MYO5A: variants seen among roughly 807,000 people sequenced by gnomAD.
MYO5A encodes the protein myosin VA.
A neutral mutation model predicts 249.7 loss-of-function variants in MYO5A; 98 were observed. The ratio of observed to expected loss-of-function variants is 0.39; its 90% CI spans 0.33 to 0.46. MYO5A has a LOEUF of 0.46. MYO5A is among the 20% of genes least tolerant of loss of function. The probability of loss-of-function intolerance (pLI) is 0.98; values close to 1 mark genes in which losing one functional copy is unlikely to be tolerated. For synonymous variants in MYO5A, 778 were observed against 810.6 expected (o/e 0.96, Z 0.68); for missense variants, 1,696 against 2,308.8 (o/e 0.73, Z 5.44).
intron 4 of MYO5A, among the ~76,000 whole-genome samples, chr15:52,418,439 G>A (rs1008173247): frequency 3.9e-5 from 6 of 152,162 alleles, no homozygotes; most frequent in Admixed American, 2.6e-4. Context: ...AGACTAGAAA[G>A]GACACAATTA....
intron 5 of MYO5A, among the ~76,000 whole-genome samples, chr15:52,414,593 C>T (rs1411382728): frequency 6.6e-6 from 1 of 152,022 alleles, no homozygotes; most frequent in African/African-American, 2.4e-5. Context: ...ATGGTCCAGG[C>T]CCGGAAGAAA....
chr15:52,474,099 C>A (rs1228615939), intron 1 of MYO5A, among the ~76,000 whole-genome samples: 1 of 152,116 alleles, frequency 6.6e-6, no homozygotes, highest in Non-Finnish European at 1.5e-5. Context: ...TTGAAGAGGT[C>A]CTTCATGTCC....
Position 52,370,197 on chromosome 15 carries a change from G to A in MYO5A, c.3038C>T (p.Ala1013Val). The A allele has an allele frequency of 6.2e-7, 1 of 1,614,108 alleles. No individual in the cohort carries two copies. Among genetic ancestry groups the A allele is most frequent in the South Asian group, 1.1e-5 (1 of 91,086 alleles). ...RSEKKCIEEHADRYKQETEQL... is the reference protein window; with the variant it reads ...RSEKKCIEEHVDRYKQETEQL... ...CTCTGTTTCTTGTTTGTATCGATCT[G>A]CATGTTCCTCAATGCATTTTTTCTC... The change falls in exon 22 of 42, where the codon GCA (alanine) becomes GTA (valine). Residue 1013 changes from alanine to valine, a missense_variant. Ala to Val is a moderately conservative substitution (Grantham distance 64, BLOSUM62 0). Transcript: ENST00000399233.
chr15:52,326,965 G>C (rs755801812), intron 36 of MYO5A, among the ~76,000 whole-genome samples: 16 of 152,202 alleles, frequency 1.1e-4, no homozygotes, highest in Admixed American at 2.6e-4. Context: ...TGACTACTGA[G>C]TTGTGTAGGC....
At chr15:52,405,576 C>T (rs1390439734) in intron 8 of MYO5A, among the ~76,000 whole-genome samples, 183 bp from the exon 9 acceptor site, 1 of 152,212 alleles carries the variant, frequency 6.6e-6, no homozygotes, top group Non-Finnish European at 1.5e-5. Context: ...AGTTTAGCAT[C>T]ATGGATGGAT....
chr15:52,416,345 T>A (rs775930530), intron 4 of MYO5A, 44 bp from the exon 5 acceptor site: 1 of 1,583,590 alleles, frequency 6.3e-7, no homozygotes, highest in Non-Finnish European at 8.6e-7. Context: ...CATTGCTGCC[T>A]ATAGCAGGAT....
chr15:52,342,895 A>C (rs1447955116), intron 31 of MYO5A, among the ~76,000 whole-genome samples: 1 of 151,036 alleles, frequency 6.6e-6, no homozygotes, highest in Non-Finnish European at 1.5e-5. Flanking sequence ...CAGCCTAGGC[A>C]ACAGAGTGAG....
chr15:52,324,041 C>CAAAAAAAAAA (rs2038472259), intron 36 of MYO5A: 2 of 59,166 alleles, frequency 3.4e-5, no homozygotes, highest in East Asian at 4.1e-4. Flanking sequence ...AAAAAAAAAT[C>CAAAAAAAAAA]ACCCAGCTAC....
chr15:52,408,170 G>T (rs1312569071), intron 6 of MYO5A, 30 bp from the exon 7 acceptor site: 2 of 1,273,578 alleles, frequency 1.6e-6, no homozygotes, highest in Non-Finnish European at 2.3e-6. Flanking sequence ...TTCAATTACA[G>T]CATTTTAATC....
At chr15:52,335,677 T>C (rs2039085812) in intron 34 of MYO5A, among the ~76,000 whole-genome samples, 1 of 152,132 alleles carries the variant, frequency 6.6e-6, no homozygotes, top group African/African-American at 2.4e-5. Context: ...ATTTGGTTAT[T>C]TCTCAAGGAA....
intron 1 of MYO5A, chr15:52,505,798 G>A: frequency 6.3e-7 from 1 of 1,588,038 alleles, no homozygotes; most frequent in East Asian, 2.2e-5. Context: ...TATGCTGGAG[G>A]AGCAGATCAC....
intron 16 of MYO5A, among the ~76,000 whole-genome samples, chr15:52,381,740 T>G (rs913297249): frequency 6.6e-6 from 1 of 150,604 alleles, no homozygotes; most frequent in African/African-American, 2.4e-5. Context: ...ACAGCAATCA[T>G]AGCACAAGGC....
chr15:52,492,838 C>T (rs765396362), intron 1 of MYO5A, among the ~76,000 whole-genome samples: 2 of 152,152 alleles, frequency 1.3e-5, no homozygotes, highest in Non-Finnish European at 2.9e-5. Flanking sequence ...GAAGTTGGGG[C>T]CCGGGCACAT....
At chr15:52,472,063 T>C (rs2076484130) in intron 1 of MYO5A, among the ~76,000 whole-genome samples, 2 of 141,068 alleles carry the variant, frequency 1.4e-5, no homozygotes, top group East Asian at 2.1e-4. Flanking sequence ...AGAAGCGTCT[T>C]CTCCTGTTAT....
chr15:52,507,694 T>C (rs990422550), intron 1 of MYO5A, among the ~76,000 whole-genome samples: 1 of 150,788 alleles, frequency 6.6e-6, no homozygotes, highest in Non-Finnish European at 1.5e-5. Context: ...CATGCACCTG[T>C]AGTCCCAGCC....
chr15:52,520,903 T>C (rs1226659865), intron 1 of MYO5A, among the ~76,000 whole-genome samples: 2 of 152,202 alleles, frequency 1.3e-5, no homozygotes, highest in East Asian at 3.8e-4. Flanking sequence ...TGAGATTTGA[T>C]GTTACAAACT....
At chr15:52,465,090 C>G (rs533350910) in intron 1 of MYO5A, among the ~76,000 whole-genome samples, 23 of 152,230 alleles carry the variant, frequency 1.5e-4, no homozygotes, top group Non-Finnish European at 1.8e-4. Flanking sequence ...AGATTCTTGA[C>G]CTGGAAACAG....
At chr15:52,472,985 T>G (rs184273348) in intron 1 of MYO5A, among the ~76,000 whole-genome samples, 26 of 152,386 alleles carry the variant, frequency 1.7e-4, no homozygotes, top group African/African-American at 6.0e-4. Context: ...TCCACAATGG[T>G]TGAACTAGTT....
intron 1 of MYO5A, among the ~76,000 whole-genome samples, chr15:52,475,235 C>T (rs2076566953): frequency 6.6e-6 from 1 of 152,102 alleles, no homozygotes; most frequent in African/African-American, 2.4e-5. Context: ...GTGGTGATAT[C>T]CCCTTTATCA....
Sources: gnomAD v4.1 joint callset for allele counts (sites outside exome capture counted in the v4.1 genomes callset) on GRCh38, gnomAD v4.1.1 for gene constraint, MANE v1.5 for transcripts, NCBI Gene and HGNC (gene_info 2026-07-23, HGNC 2026-07-21) for gene names.